PRH1: variants seen among roughly 807,000 people sequenced by gnomAD.
The protein encoded by PRH1 is proline rich protein HaeIII subfamily 1, also known as salivary acidic proline-rich phosphoprotein 1/2.
In PRH1, 7 loss-of-function variants were observed where a neutral mutation model predicts 7.9. The ratio of observed to expected loss-of-function variants is 0.89; its 90% CI spans 0.50 to 1.67. The LOEUF is 1.67. Among genes scored for constraint, PRH1 ranks in the 40% most tolerant of loss-of-function variants. The pLI, the probability that PRH1 is intolerant of heterozygous loss-of-function variation, is 0.00. For missense variants in PRH1, 109 were observed against 223.6 expected (o/e 0.49, Z 3.27); for synonymous variants, 45 against 80.8 (o/e 0.56, Z 2.38).
intron 1 of PRH1, among the ~76,000 whole-genome samples, chr12:11,090,260 A>G (rs1459484951): frequency 8.6e-6 from 1 of 116,016 alleles, no homozygotes; most frequent in South Asian, 2.3e-4. Flanking sequence ...CATTTACAAA[A>G]AGTTTGACTG....
intron 1 of PRH1, among the ~76,000 whole-genome samples, chr12:11,006,881 T>C (rs1466298079): frequency 1.3e-5 from 2 of 152,112 alleles, no homozygotes; most frequent in Non-Finnish European, 1.5e-5. Context: ...TATTCCACTG[T>C]CTGTTCTTGC....
At chr12:11,107,245 C>A (rs1945450713) in intron 1 of PRH1, among the ~76,000 whole-genome samples, 1 of 152,058 alleles carries the variant, frequency 6.6e-6, no homozygotes, top group Non-Finnish European at 1.5e-5. Context: ...CAAGTGGTCC[C>A]CTCATCTTGG....
intron 1 of PRH1, among the ~76,000 whole-genome samples, chr12:11,081,207 T>C (rs987700042): frequency 7.1e-6 from 1 of 140,500 alleles, no homozygotes; most frequent in African/African-American, 2.6e-5. Flanking sequence ...CTTCATTCTG[T>C]GTAGCTATCT....
At chr12:10,964,872 T>C in intron 2 of PRH1, 1 of 553,988 alleles carries the variant, frequency 1.8e-6, no homozygotes, top group Non-Finnish European at 3.4e-6. Context: ...CAACTCACGT[T>C]TCCTTCATAT....
intron 1 of PRH1, among the ~76,000 whole-genome samples, chr12:11,138,503 A>G (rs1160868125): frequency 6.6e-6 from 1 of 152,210 alleles, no homozygotes; most frequent in Non-Finnish European, 1.5e-5. Context: ...ATGAATATAC[A>G]TATTTCATTT....
chr12:10,882,738 A>G, intron 2 of PRH1, 40 bp from the exon 3 acceptor site: 1 of 1,599,242 alleles, frequency 6.3e-7, no homozygotes, highest in Non-Finnish European at 8.5e-7. Context: ...CTCATGCTGG[A>G]AAACCCTCCT....
intron 2 of PRH1, among the ~76,000 whole-genome samples, chr12:10,924,156 T>G (rs1396002447): frequency 6.6e-6 from 1 of 151,914 alleles, no homozygotes; most frequent in Non-Finnish European, 1.5e-5. Flanking sequence ...CCCAGCTAAT[T>G]TTTTGTATTT....
intron 1 of PRH1, among the ~76,000 whole-genome samples, chr12:11,062,883 C>T (rs1191736253): frequency 6.6e-6 from 1 of 152,064 alleles, no homozygotes; most frequent in Non-Finnish European, 1.5e-5. Context: ...ACCTCAGAAT[C>T]TGGTTGCTGC....
intron 1 of PRH1, among the ~76,000 whole-genome samples, chr12:11,164,633 C>T (rs1947518322): frequency 6.6e-6 from 1 of 152,094 alleles, no homozygotes; most frequent in Admixed American, 6.6e-5. Flanking sequence ...AGTCTCACTT[C>T]CCCCAAAGCC....
chr12:11,065,890 T>C (rs549651209), intron 1 of PRH1, among the ~76,000 whole-genome samples: 1 of 152,288 alleles, frequency 6.6e-6, no homozygotes, highest in South Asian at 2.1e-4. Flanking sequence ...AGCTTGTCTG[T>C]TGCTGGGTCA....
intron 2 of PRH1, among the ~76,000 whole-genome samples, chr12:10,937,016 G>T (rs963902751): frequency 6.6e-6 from 1 of 152,044 alleles, no homozygotes; most frequent in Non-Finnish European, 1.5e-5. Context: ...TTTTAGCAAA[G>T]AATTCAGGAT....
intron 2 of PRH1, among the ~76,000 whole-genome samples, chr12:10,905,669 G>GA (rs34186546): frequency 0.53 from 78,643 of 149,728 alleles, 22,190 homozygotes; most frequent in East Asian, 0.71. Flanking sequence ...CTGTCTCAAA[G>GA]AAAAAAAAAT....
rs188213254 is a variant in PRH1 at position 11,103,753 on chromosome 12, T to C, written n.124-56565A>G. Among the ~76,000 whole-genome samples, 75 of 152,214 alleles carry C rather than the reference T, an allele frequency of 4.9e-4. No individual in the cohort carries two copies. In the East Asian group the frequency reaches 9.6e-3, roughly 20 times the overall value. ...AATCTCGTGTTAAGCCATAGGACTATATTAAATGAATTCATACACAAATTT... is the reference window on the plus strand; with the variant it reads ...AATCTCGTGTTAAGCCATAGGACTACATTAAATGAATTCATACACAAATTT... On this transcript the variant is annotated intron_variant and non_coding_transcript_variant, in intron 1 of 4. Coordinates refer to the PRH1 transcript ENST00000541977.
At chr12:11,086,706 G>T (rs1404281967) in intron 1 of PRH1, among the ~76,000 whole-genome samples, 1 of 120,768 alleles carries the variant, frequency 8.3e-6, no homozygotes, top group Non-Finnish European at 2.0e-5. Context: ...CTGAGGTCAG[G>T]AGTTTGAAAC....
upstream of PRH1, among the ~76,000 whole-genome samples, chr12:10,888,719 G>T (rs554904535): frequency 9.9e-5 from 15 of 152,142 alleles, no homozygotes; most frequent in South Asian, 2.3e-3. Context: ...TATAATTTTT[G>T]AGTGTATCTC....
chr12:11,053,131 A>AG (rs1264869841), intron 1 of PRH1, among the ~76,000 whole-genome samples: 2 of 136,856 alleles, frequency 1.5e-5, no homozygotes, highest in Non-Finnish European at 3.3e-5. Flanking sequence ...CTCTGCTCAA[A>AG]GGGAACTCAA....
At chr12:11,059,997 G>A (rs1943517974) in intron 1 of PRH1, among the ~76,000 whole-genome samples, 1 of 151,572 alleles carries the variant, frequency 6.6e-6, no homozygotes, top group African/African-American at 2.4e-5. Context: ...CAGAAAGCAA[G>A]ACAGAGATGA....
chr12:11,062,330 G>A, intron 1 of PRH1: 1 of 1,554,776 alleles, frequency 6.4e-7, no homozygotes, highest in Non-Finnish European at 8.7e-7. Context: ...TAAAATGCTG[G>A]TGTAATATCA....
chr12:11,075,714 C>T (rs199694675), intron 1 of PRH1, among the ~76,000 whole-genome samples: 34,653 of 90,174 alleles, frequency 0.38, 3,710 homozygotes, highest in Non-Finnish European at 0.48. Context: ...TACAGTGATA[C>T]TTCCCCTAGA....
Sources: allele counts gnomAD v4.1 joint callset (sites outside exome capture counted in the v4.1 genomes callset), GRCh38; gene constraint gnomAD v4.1.1; transcripts MANE v1.5; gene names NCBI Gene and HGNC (gene_info 2026-07-23, HGNC 2026-07-21).